Variants in RPUSD2 observed in about 807,000 individuals in gnomAD.
RPUSD2 encodes the protein RNA pseudouridine synthase domain containing 2.
RPUSD2 carries 31 observed loss-of-function variants against 41.5 expected under a neutral mutation model. The observed-to-expected ratio is 0.75, with a 90% CI of 0.56 to 1.01. The LOEUF (loss-of-function observed/expected upper bound fraction) is 1.01. RPUSD2 is among the 50% of genes least tolerant of loss of function. The probability of loss-of-function intolerance (pLI) is 0.00; values close to 1 mark genes in which losing one functional copy is unlikely to be tolerated. For synonymous variants in RPUSD2, 305 were observed against 289.7 expected (o/e 1.05, Z -0.54); for missense variants, 749 against 724.7 (o/e 1.03, Z -0.38).
At chr15:40,570,932 T>C (rs1248666898) in intron 1 of RPUSD2, among the ~76,000 whole-genome samples, 1 of 152,118 alleles carries the variant, frequency 6.6e-6, no homozygotes, top group African/African-American at 2.4e-5. Flanking sequence ...TTGTTCAAGA[T>C]CGTAATAAGT....
Position 40,569,697 on chromosome 15 carries a change from G to C in RPUSD2, c.360G>C (p.Gly120=). Residue 120 remains glycine, a synonymous_variant, in exon 1 of 3, where the codon GGG becomes GGC. Coordinates refer to ENST00000315616, the MANE Select transcript of RPUSD2 (RefSeq NM_152260.3). The stretch of plus-strand genomic sequence containing the variant: ...CGCCCCCGAAGAAGCGGCGGACCGG[G>C]GTGAGCTTCGGAGATGAGCACTTTG... ...VVPPPKKRRT[G]VSFGDEHFAE... 1.3e-6 allele frequency: 2 copies of C among 1,573,244 alleles called. No homozygotes were observed. Among genetic ancestry groups the C allele is most frequent in the Admixed American group, 1.9e-5 (1 of 53,524 alleles).
rs778595857 is a variant in RPUSD2 at position 40,574,249 on chromosome 15, G to A, written c.1626G>A (p.Trp542Ter). 1.9e-6 allele frequency: 3 copies of A among 1,610,954 alleles called. No homozygotes were observed. The African/African-American group carries it at 4.0e-5, about 22-fold the overall frequency. The change falls in exon 3 of 3, where the codon TGG (tryptophan) becomes TGA (stop). Residue 542 changes from tryptophan (W) to a stop codon, truncating the protein, a stop_gained. Transcript: ENST00000315616. LOFTEE classifies it high-confidence loss of function. ...TGCCTGCCTGGGCACAGGATGACTG[G>A]CAAAAGGACTGAGGGTGTGGCCAAT... ...SPMPAWAQDDWQKD is the reference protein window; with the variant it reads ...SPMPAWAQDD
Position 40,572,119 on chromosome 15 carries a change from T to G in RPUSD2, c.903+219T>G, listed in dbSNP as rs8031130. Among the ~76,000 whole-genome samples, 397 of 152,264 alleles carry G rather than the reference T, an allele frequency of 2.6e-3. 1 individual carries two copies. The highest frequency in any genetic ancestry group is 9.2e-3 in the African/African-American group (381 of 41,562). On this transcript the variant is annotated intron_variant, in intron 2 of 2. Transcript: ENST00000315616. ...AGATGGCATACACTGCCTCTCTTAG[T>G]AGTTTGCTATTTTGAAGCTTTAAAA...
chr15:40,572,118 G>A (rs1377887866), intron 2 of RPUSD2, among the ~76,000 whole-genome samples: 1 of 152,190 alleles, frequency 6.6e-6, no homozygotes, highest in African/African-American at 2.4e-5. Flanking sequence ...GCCTCTCTTA[G>A]TAGTTTGCTA....
chr15:40,571,638 A>C lies in RPUSD2; in HGVS notation c.641A>C (p.His214Pro). 6.2e-7 allele frequency: 1 copy of C among 1,614,242 alleles called. No homozygotes were observed. The highest frequency in any genetic ancestry group is 8.5e-7 in the Non-Finnish European group (1 of 1,180,040). The change falls in exon 2 of 3, where the codon CAT becomes CCT. Residue 214 changes from histidine (H) to proline (P), a missense_variant. Physicochemically the swap from His to Pro is moderately conservative, Grantham distance 77. Coordinates refer to ENST00000315616, the MANE Select transcript of RPUSD2 (RefSeq NM_152260.3). ...TTCTTGCGGAACACAGTGCACAGGC[A>C]TGAGCCACCAGTCACAGCAGAGCCC... ...NDFLRNTVHR[H>P]EPPVTAEPIR...
chr15:40,574,285 CT>C lies in RPUSD2; in HGVS notation c.*26del. 1 of 1,593,030 alleles carries C rather than the reference CT, an allele frequency of 6.3e-7. No homozygotes were observed. The highest frequency in any genetic ancestry group is 1.1e-5 in the South Asian group (1 of 87,976). ...GAGGGTGTGGCCAATGGAGGGATTG[CT>C]TCTTGGGTTGTGACAAGGATGGGCT... On this transcript the variant is annotated 3_prime_UTR_variant, in exon 3 of 3. Coordinates refer to ENST00000315616, the MANE Select transcript of RPUSD2 (RefSeq NM_152260.3).
intron 2 of RPUSD2, among the ~76,000 whole-genome samples, chr15:40,572,264 C>CA (rs66796070): frequency 0.47 from 43,857 of 93,790 alleles, 8,465 homozygotes; most frequent in Middle Eastern, 0.54. Context: ...CCTATCTCTA[C>CA]AAAAAAAAAA....
rs983145244 is a variant in RPUSD2, at chr15:40,570,765, C to G, written c.606+822C>G. Among the ~76,000 whole-genome samples, 3 of 152,174 alleles carry G rather than the reference C, an allele frequency of 2.0e-5. No homozygotes were observed. In the East Asian group the frequency reaches 5.8e-4, roughly 29 times the overall value. On this transcript the variant is annotated intron_variant, in intron 1 of 2. Coordinates refer to ENST00000315616, the MANE Select transcript of RPUSD2 (RefSeq NM_152260.3). Reference sequence around the variant, plus strand: ...ATCATACATTGACGAATTCCCTCTCCTATCCCAATTTCTAAAGCACAGATC... The same window carrying G: ...ATCATACATTGACGAATTCCCTCTCGTATCCCAATTTCTAAAGCACAGATC...
chr15:40,570,628 C>G (rs1891116110), intron 1 of RPUSD2, among the ~76,000 whole-genome samples: 1 of 152,218 alleles, frequency 6.6e-6, no homozygotes, highest in Non-Finnish European at 1.5e-5. Flanking sequence ...GTTTACCTCT[C>G]AGTAACACTA....
In RPUSD2 at chr15:40,571,501, C is replaced by T. The variant is rs188077964; in HGVS notation, c.607-103C>T. 3.2e-5 allele frequency: 35 copies of T among 1,078,036 alleles called. No homozygotes were observed. In the African/African-American group the frequency reaches 5.0e-4, roughly 15 times the overall value. 66.8% of individuals were successfully genotyped at this position (1,078,036 alleles called of 1,614,324 possible). A position where few individuals can be genotyped will look rare whatever the true frequency, so the allele number is the denominator to read the frequency against. ...GCTTTTTCAGCCCAAGATGTGCTTT[C>T]ACCATTTTTCCATGTCAGTGAGGAA... On this transcript the variant is annotated intron_variant, in intron 1 of 2. Transcript: ENST00000315616.
rs893545100 is a variant in RPUSD2 at position 40,569,322 on chromosome 15, T to G, written c.-16T>G. 2 of 1,438,272 alleles carry G rather than the reference T, an allele frequency of 1.4e-6. No homozygotes were observed. Among genetic ancestry groups the G allele is most frequent in the Non-Finnish European group, 9.1e-7 (1 of 1,092,918 alleles). 89.1% of individuals were successfully genotyped at this position (1,438,272 alleles called of 1,614,324 possible). On this transcript the variant is annotated 5_prime_UTR_variant, in exon 1 of 3. Transcript: ENST00000315616. ...TCAGATCGCGACCCTGGGAGTGGAG[T>G]GGGGGCAGCGTGGTTATGTGGCTGG...
chr15:40,570,571 T>G (rs1891115321), intron 1 of RPUSD2, among the ~76,000 whole-genome samples: 1 of 152,218 alleles, frequency 6.6e-6, no homozygotes, highest in Non-Finnish European at 1.5e-5. Flanking sequence ...CCTTTAAAAT[T>G]CCATCACATC....
rs117155875 is a variant in RPUSD2 at position 40,571,274 on chromosome 15, G to A, written c.607-330G>A. ...TGGGATTAGAGGCGTGAGCCACTGC[G>A]CCCGGCTAAAAAATTTTACCTTTTA... On this transcript the variant is annotated intron_variant, in intron 1 of 2. Coordinates refer to ENST00000315616, the MANE Select transcript of RPUSD2 (RefSeq NM_152260.3). 5.6e-3 allele frequency among the ~76,000 whole-genome samples: 848 copies of A among 152,234 alleles called. 4 individuals are homozygous for A. Among genetic ancestry groups the A allele is most frequent in the Non-Finnish European group, 9.1e-3 (622 of 68,018 alleles).
chr15:40,569,932 A>T lies in RPUSD2; in HGVS notation c.595A>T (p.Ile199Phe). The T allele has an allele frequency of 6.5e-6, 10 of 1,548,682 alleles. No homozygotes were observed. The highest frequency in any genetic ancestry group is 1.2e-5 in the South Asian group (1 of 84,408). The change falls in exon 1 of 3, where the codon ATC becomes TTC. Residue 199 changes from isoleucine (I) to phenylalanine (F), a missense_variant. Physicochemically the swap from Ile to Phe is conservative, Grantham distance 21. Coordinates refer to ENST00000315616, the MANE Select transcript of RPUSD2 (RefSeq NM_152260.3). ...LNEKPVQDLN[I>F]VLKDNDFLRN... ...CGAGAAGCCGGTGCAGGACCTCAACATCGTGCTCAAGGTGGAGTCCTGATG... is the reference window on the plus strand; with the variant it reads ...CGAGAAGCCGGTGCAGGACCTCAACTTCGTGCTCAAGGTGGAGTCCTGATG...
chr15:40,571,975 G>C, intron 2 of RPUSD2, 75 bp downstream of exon 2: 1 of 1,458,126 alleles, frequency 6.9e-7, no homozygotes, highest in Admixed American at 1.9e-5. Context: ...GCATCATGGA[G>C]TTCCGAAGTG....
In RPUSD2 at chr15:40,569,453, T is replaced by A. The variant is rs1333476098; in HGVS notation, c.116T>A (p.Val39Glu). ...GATAAGGGCCCAATGGCAGAAACAG[T>A]GTCTACCCAGGTTGGGACAGAGGGC... Reference protein sequence around the residue: ...SGDKGPMAETVSTQVGTEGGL... With the variant: ...SGDKGPMAETESTQVGTEGGL... The change falls in exon 1 of 3, where the codon GTG becomes GAG. Residue 39 changes from valine to glutamate, a missense_variant. Physicochemically the swap from Val to Glu is moderately radical, Grantham distance 121. Transcript: ENST00000315616. 1 of 1,572,662 alleles carries A rather than the reference T, an allele frequency of 6.4e-7. No individual in the cohort carries two copies. Among genetic ancestry groups the A allele is most frequent in the Non-Finnish European group, 8.6e-7 (1 of 1,163,804 alleles).
intron 1 of RPUSD2, among the ~76,000 whole-genome samples, chr15:40,570,407 C>T (rs1198902129): frequency 6.6e-6 from 1 of 152,172 alleles, no homozygotes; most frequent in Non-Finnish European, 1.5e-5. Context: ...CTCCATTTTA[C>T]CTCTGAGGAA....
In RPUSD2 at chr15:40,574,177, A is replaced by G; in HGVS notation, c.1554A>G (p.Leu518=). ...TGCCCCAAGACCTTGTGATGTTCCT[A>G]CATGCCCTACGCTATAAAGGGCCAG... ...DPLPQDLVMF[L]HALRYKGPGF... The change falls in exon 3 of 3, where the codon CTA becomes CTG. Residue 518 remains leucine (L), a synonymous_variant. Transcript: ENST00000315616. 6.2e-7 allele frequency: 1 copy of G among 1,614,066 alleles called. No individual in the cohort carries two copies.
chr15:40,572,201 G>A (rs1891156879), intron 2 of RPUSD2, among the ~76,000 whole-genome samples: 1 of 150,808 alleles, frequency 6.6e-6, no homozygotes, highest in Non-Finnish European at 1.5e-5. Context: ...GCTGAGGTGG[G>A]AGGATAGCTT....
Sources: allele counts gnomAD v4.1 joint callset (sites outside exome capture counted in the v4.1 genomes callset), GRCh38; gene constraint gnomAD v4.1.1; transcripts MANE v1.5; gene names NCBI Gene and HGNC (gene_info 2026-07-23, HGNC 2026-07-21).